Variants in COL25A1 observed in about 807,000 individuals in gnomAD.
COL25A1 encodes collagen alpha-1(XXV) chain.
COL25A1 carries 103 observed loss-of-function variants against 128.4 expected under a neutral mutation model. That is an observed-to-expected ratio of 0.80 (90% CI 0.68 to 0.94). The LOEUF (loss-of-function observed/expected upper bound fraction) is 0.94, where lower values mean the gene tolerates loss of function less well. COL25A1 is among the 40% of genes least tolerant of loss of function. The pLI, the probability that COL25A1 is intolerant of heterozygous loss-of-function variation, is 0.00. For missense variants in COL25A1, 745 were observed against 840.0 expected, an observed-to-expected ratio of 0.89 and a Z score of 1.40; for synonymous variants, 279 against 277.2, an observed-to-expected ratio of 1.01 and a Z score of -0.06.
At chr4:109,062,971 G>A (rs1334495824) in intron 3 of COL25A1, among the ~76,000 whole-genome samples, 1 of 152,206 alleles carries the variant, frequency 6.6e-6, no homozygotes, top group Non-Finnish European at 1.5e-5. Context: ...TTAAGTCAAA[G>A]AATAGCCATG....
rs978594570 is a variant in COL25A1 at position 109,051,232 on chromosome 4, G to A, written c.368-1053C>T. Reference sequence around the variant, plus strand: ...GCAGCACAGGCCTTAGTATCCAAGCGACTTTCAATGTGATCCTGAGCTACT... The same window carrying A: ...GCAGCACAGGCCTTAGTATCCAAGCAACTTTCAATGTGATCCTGAGCTACT... On this transcript the variant is annotated intron_variant, in intron 3 of 37. Coordinates refer to ENST00000399132, the MANE Select transcript of COL25A1 (RefSeq NM_198721.4). Among the ~76,000 whole-genome samples, 7 of 152,196 alleles carry A rather than the reference G, an allele frequency of 4.6e-5. No individual in the cohort carries two copies. In the East Asian group the frequency reaches 1.2e-3, roughly 25 times the overall value.
intron 28 of COL25A1, 54 bp from the exon 29 acceptor site, chr4:108,845,305 A>C: frequency 7.0e-7 from 1 of 1,427,354 alleles, no homozygotes; most frequent in Admixed American, 1.7e-5. Context: ...CCAGTGTAAG[A>C]GACAACTGAA....
At chr4:109,214,432 T>C (rs1031889522) in intron 3 of COL25A1, among the ~76,000 whole-genome samples, 1 of 152,130 alleles carries the variant, frequency 6.6e-6, no homozygotes, top group Non-Finnish European at 1.5e-5. Context: ...CTACATTGTT[T>C]ATGTACAGTA....
chr4:109,260,941 G>T lies in COL25A1; in HGVS notation c.367+39642C>A, dbSNP rs1342958540. Among the ~76,000 whole-genome samples, 4 of 152,220 alleles carry T rather than the reference G, an allele frequency of 2.6e-5. No homozygotes were observed. In the East Asian group the frequency reaches 7.7e-4, roughly 29 times the overall value. ...GAAAGGACTAGCCCAATTTATTTCTGTATGTAAAAGTAATCTATAGATTAC... is the reference window on the plus strand; with the variant it reads ...GAAAGGACTAGCCCAATTTATTTCTTTATGTAAAAGTAATCTATAGATTAC... On this transcript the variant is annotated intron_variant, in intron 3 of 37. Coordinates refer to ENST00000399132, the MANE Select transcript of COL25A1 (RefSeq NM_198721.4).
At chr4:109,115,782 A>G (rs998380573) in intron 3 of COL25A1, among the ~76,000 whole-genome samples, 24 of 152,046 alleles carry the variant, frequency 1.6e-4, no homozygotes, top group Non-Finnish European at 2.9e-4. Context: ...CAAACTATCA[A>G]TGTGAAAAGG....
intron 35 of COL25A1, among the ~76,000 whole-genome samples, chr4:108,822,584 A>AT (rs918409339): frequency 1.3e-5 from 2 of 151,578 alleles, no homozygotes; most frequent in African/African-American, 4.9e-5. Context: ...GCCCCACCAT[A>AT]TTTTTTTATT....
rs888537021 is a variant in COL25A1, at chr4:109,302,274, G to A, written c.-162C>T. The A allele has an allele frequency of 8.2e-6, 4 of 487,838 alleles. No individual in the cohort carries two copies. Among genetic ancestry groups the A allele is most frequent in the Non-Finnish European group, 1.4e-5 (4 of 281,000 alleles). The allele number at this position is 487,838 out of a possible 1,614,324, so 30.2% of individuals were successfully genotyped here. On this transcript the variant is annotated 5_prime_UTR_variant, in exon 1 of 38. Transcript: ENST00000399132. ...ACCCTCCGTCCGGGGACTGGGTGGC[G>A]GTGGGGTAAAAAGCAAGACGAAACC...
chr4:109,257,700 T>A (rs753084662), intron 3 of COL25A1, among the ~76,000 whole-genome samples: 1 of 152,146 alleles, frequency 6.6e-6, no homozygotes, highest in Non-Finnish European at 1.5e-5. Context: ...TCGGGCCCAG[T>A]GTGGTCTCCC....
At chr4:108,924,630 C>G (rs559252975) in intron 11 of COL25A1, among the ~76,000 whole-genome samples, 1 of 152,196 alleles carries the variant, frequency 6.6e-6, no homozygotes, top group Non-Finnish European at 1.5e-5. Flanking sequence ...CCTTAGCTAA[C>G]GTAACGTTCA....
At chr4:109,259,692 A>C (rs558164236) in intron 3 of COL25A1, among the ~76,000 whole-genome samples, 6 of 152,360 alleles carry the variant, frequency 3.9e-5, no homozygotes, top group Non-Finnish European at 5.9e-5. Context: ...AAAAGCATCA[A>C]TTTAAACATG....
intron 11 of COL25A1, among the ~76,000 whole-genome samples, chr4:108,936,964 A>T (rs1024465744): frequency 1.3e-5 from 2 of 152,010 alleles, no homozygotes; most frequent in Non-Finnish European, 2.9e-5. Flanking sequence ...TACCTTGAAC[A>T]TCTGCATGCT....
rs1285470040 is a variant in COL25A1 at position 108,995,585 on chromosome 4, C to T, written c.438+14773G>A. Among the ~76,000 whole-genome samples the T allele has an allele frequency of 7.2e-5, 11 of 152,186 alleles. No homozygotes were observed. In the East Asian group the frequency reaches 1.9e-3, roughly 27 times the overall value. On this transcript the variant is annotated intron_variant, in intron 6 of 37. Transcript: ENST00000399132. ...GGAGAACCTCCCCAACCTAGCAAGG[C>T]AGGCCAACATTCAAATTCAGGAAAT...
At chr4:109,000,147 A>G (rs1755206035) in intron 6 of COL25A1, among the ~76,000 whole-genome samples, 1 of 152,116 alleles carries the variant, frequency 6.6e-6, no homozygotes, top group African/African-American at 2.4e-5. Context: ...AAAAAGAGAG[A>G]AAGGAAAAAA....
chr4:109,194,042 C>A (rs967441525), intron 3 of COL25A1, among the ~76,000 whole-genome samples: 3 of 152,226 alleles, frequency 2.0e-5, no homozygotes, highest in East Asian at 3.9e-4. Context: ...GTGAAACAAG[C>A]AATTTGTTTT....
chr4:109,153,320 G>A (rs929493074), intron 3 of COL25A1, among the ~76,000 whole-genome samples: 1 of 149,690 alleles, frequency 6.7e-6, no homozygotes, highest in African/African-American at 2.5e-5. Flanking sequence ...GGCAGAGGTT[G>A]TGGTGAGCCA....
At chr4:109,088,561 C>T (rs951458592) in intron 3 of COL25A1, among the ~76,000 whole-genome samples, 1 of 152,178 alleles carries the variant, frequency 6.6e-6, no homozygotes, top group South Asian at 2.1e-4. Flanking sequence ...ATTCAACTTG[C>T]ACCCATGAAG....
At chr4:109,102,258 T>G (rs759900236) in intron 3 of COL25A1, among the ~76,000 whole-genome samples, 6 of 152,128 alleles carry the variant, frequency 3.9e-5, no homozygotes, top group Non-Finnish European at 8.8e-5. Flanking sequence ...ATTTAATTAC[T>G]CTTGTGATTT....
chr4:108,859,684 T>C lies in COL25A1; in HGVS notation c.1292A>G (p.Tyr431Cys). ...TAAGGCTTCGTGGAGGTTGCCGTTG[T>C]AGTCTATGATCTCAGTGGCTCCTTG... ...GDQGATEIID[Y>C]NGNLHEALQR... The change falls in exon 24 of 38, where the codon TAC (tyrosine) becomes TGC (cysteine). Residue 431 changes from tyrosine to cysteine, a missense_variant. Physicochemically the swap from Tyr to Cys is radical, Grantham distance 194 (BLOSUM62 -2). Around this residue, in one of 3 missense-constraint regions of COL25A1, gnomAD observed 387 missense variants for 441.9 expected, o/e 0.88. Transcript: ENST00000399132. 1 of 1,613,872 alleles carries C rather than the reference T, an allele frequency of 6.2e-7. No homozygotes were observed. The highest frequency in any genetic ancestry group is 8.5e-7 in the Non-Finnish European group (1 of 1,179,908).
chr4:109,088,629 G>A (rs144109423), intron 3 of COL25A1, among the ~76,000 whole-genome samples: 2 of 152,144 alleles, frequency 1.3e-5, no homozygotes, highest in Admixed American at 6.5e-5. Context: ...GAATGATAAC[G>A]ATCAATTAGC....
Sources: gnomAD v4.1 joint callset for allele counts (sites outside exome capture counted in the v4.1 genomes callset) on GRCh38, gnomAD v4.1.1 for gene constraint, gnomAD v4.1.1 regional missense constraint, MANE v1.5 for transcripts, NCBI Gene and HGNC (gene_info 2026-07-23, HGNC 2026-07-21) for gene names.